Variants in ZNF704 observed in about 807,000 individuals in gnomAD.
ZNF704 encodes glucocorticoid induced gene 1.
A neutral mutation model predicts 44.7 loss-of-function variants in ZNF704; 10 were observed. That is an observed-to-expected ratio of 0.22 (90% CI 0.14 to 0.38). The LOEUF is 0.38. ZNF704 is among the 10% of genes least tolerant of loss of function. The pLI, the probability that ZNF704 is intolerant of heterozygous loss-of-function variation, is 1.00. For synonymous variants in ZNF704, 211 were observed against 207.6 expected, an observed-to-expected ratio of 1.02 and a Z score of -0.14; for missense variants, 390 against 545.5, an observed-to-expected ratio of 0.71 and a Z score of 2.84.
chr8:80,811,247 C>G (rs541684594), intron 2 of ZNF704, among the ~76,000 whole-genome samples: 5 of 152,174 alleles, frequency 3.3e-5, no homozygotes, highest in African/African-American at 1.2e-4. Context: ...TCATTAATGA[C>G]TTTTTATATT....
chr8:80,826,799 T>C (rs1226869146), intron 1 of ZNF704, among the ~76,000 whole-genome samples: 3 of 152,106 alleles, frequency 2.0e-5, no homozygotes, highest in East Asian at 1.9e-4. Flanking sequence ...TAATCCATCA[T>C]ATAAACAGAA....
In ZNF704 at chr8:80,641,355, C is replaced by T; in HGVS notation, c.*11G>A. On this transcript the variant is annotated 3_prime_UTR_variant, in exon 9 of 9. Transcript: ENST00000327835. ...GGCTCAGGGCCCTGAGCCCCTCTGCCTGGGGGTCTCTCAGTCGAGGAACCT... is the reference window on the plus strand; with the variant it reads ...GGCTCAGGGCCCTGAGCCCCTCTGCTTGGGGGTCTCTCAGTCGAGGAACCT... The T allele has an allele frequency of 6.2e-7, 1 of 1,602,000 alleles. No individual in the cohort carries two copies. The highest frequency in any genetic ancestry group is 8.5e-7 in the Non-Finnish European group (1 of 1,172,588).
At chr8:80,799,851 G>A (rs1446644890) in intron 2 of ZNF704, among the ~76,000 whole-genome samples, 1 of 152,076 alleles carries the variant, frequency 6.6e-6, no homozygotes, top group Non-Finnish European at 1.5e-5. Context: ...CAGAAAGCAG[G>A]TAATAACAAC....
At chr8:80,799,709 G>C (rs1807867211) in intron 2 of ZNF704, among the ~76,000 whole-genome samples, 1 of 152,150 alleles carries the variant, frequency 6.6e-6, no homozygotes, top group African/African-American at 2.4e-5. Flanking sequence ...TGATGAGAAA[G>C]AATCAATGCA....
intron 2 of ZNF704, among the ~76,000 whole-genome samples, chr8:80,787,745 C>CA (rs1586027526): frequency 6.6e-6 from 1 of 152,172 alleles, no homozygotes; most frequent in East Asian, 1.9e-4. Flanking sequence ...ATCTGTAGTA[C>CA]AAAACTAAGT....
chr8:80,719,255 T>A (rs1471017059), intron 2 of ZNF704, among the ~76,000 whole-genome samples: 1 of 152,170 alleles, frequency 6.6e-6, no homozygotes, highest in Non-Finnish European at 1.5e-5. Flanking sequence ...GAGCCACTGC[T>A]CCTGGCCATC....
chr8:80,808,639 T>C (rs1159417157), intron 2 of ZNF704, among the ~76,000 whole-genome samples: 1 of 152,132 alleles, frequency 6.6e-6, no homozygotes, highest in Non-Finnish European at 1.5e-5. Flanking sequence ...AATTCTATGC[T>C]CCTCATGGTC....
At chr8:80,837,312 C>G (rs1238113519) in intron 1 of ZNF704, among the ~76,000 whole-genome samples, 3 of 152,062 alleles carry the variant, frequency 2.0e-5, no homozygotes, top group African/African-American at 7.3e-5. Flanking sequence ...GACTTTGCCT[C>G]CAGGAATACA....
intron 1 of ZNF704, among the ~76,000 whole-genome samples, chr8:80,873,835 G>T (rs1238828967): frequency 6.8e-6 from 1 of 147,680 alleles, no homozygotes; most frequent in African/African-American, 2.4e-5. Flanking sequence ...TGGCCCGAGG[G>T]GGGCCGGTCC....
intron 1 of ZNF704, among the ~76,000 whole-genome samples, chr8:80,863,142 G>C: frequency 6.6e-6 from 1 of 151,954 alleles, no homozygotes; most frequent in East Asian, 1.9e-4. Context: ...TAAATTCTAA[G>C]ATCCCCTTTC....
At chr8:80,791,027 A>G (rs1335229923) in intron 2 of ZNF704, among the ~76,000 whole-genome samples, 1 of 152,164 alleles carries the variant, frequency 6.6e-6, no homozygotes, top group Non-Finnish European at 1.5e-5. Flanking sequence ...ACTTGGGGTG[A>G]GGGAGAGAGA....
At chr8:80,745,823 C>T (rs982166494) in intron 2 of ZNF704, among the ~76,000 whole-genome samples, 4 of 152,066 alleles carry the variant, frequency 2.6e-5, no homozygotes, top group Admixed American at 6.6e-5. Flanking sequence ...AAGTCAAACA[C>T]GAGCTCAGAA....
intron 2 of ZNF704, among the ~76,000 whole-genome samples, chr8:80,773,626 T>C (rs1466524327): frequency 6.6e-6 from 1 of 152,218 alleles, no homozygotes; most frequent in Non-Finnish European, 1.5e-5. Flanking sequence ...TGGTGACAAA[T>C]TCTCTTAGTT....
In ZNF704 at chr8:80,630,647, C is replaced by T. The variant is rs1817568645; in HGVS notation, c.*10719G>A. The T allele has an allele frequency of 6.6e-6, 1 of 152,100 alleles. No homozygotes were observed. The highest frequency in any genetic ancestry group is 2.1e-4 in the South Asian group (1 of 4,818). 9.4% of individuals were successfully genotyped at this position (152,100 alleles called of 1,614,324 possible). A position where few individuals can be genotyped will look rare whatever the true frequency, so the allele number is the denominator to read the frequency against. ...CTCATTTGAAAAAATGACCGTAGGC[C>T]ACTCGCAGTTGCATCTGATGATAGT... is the stretch of plus-strand genomic sequence containing the variant. On this transcript the variant is annotated 3_prime_UTR_variant, in exon 9 of 9. Transcript: ENST00000327835.
At chr8:80,652,315 A>G (rs181730414) in intron 7 of ZNF704, among the ~76,000 whole-genome samples, 4,811 of 152,192 alleles carry the variant, frequency 0.032, 258 homozygotes, top group African/African-American at 0.11. Flanking sequence ...AATAACTAAG[A>G]TCAGAGCAGA....
intron 2 of ZNF704, among the ~76,000 whole-genome samples, chr8:80,714,713 T>C (rs975284390): frequency 7.2e-5 from 11 of 152,202 alleles, no homozygotes; most frequent in Admixed American, 6.5e-4. Context: ...TAGTTTCTAT[T>C]TGACTGATAA....
At chr8:80,796,212 G>C (rs944576384) in intron 2 of ZNF704, among the ~76,000 whole-genome samples, 2 of 152,200 alleles carry the variant, frequency 1.3e-5, no homozygotes, top group African/African-American at 4.8e-5. Flanking sequence ...TCTGGTGACA[G>C]CCTTATTGCT....
At chr8:80,820,631 A>T (rs1808254052) in intron 2 of ZNF704, among the ~76,000 whole-genome samples, 1 of 152,038 alleles carries the variant, frequency 6.6e-6, no homozygotes. Context: ...CAGGCACAGT[A>T]ACTCATGCCT....
At position 80,851,343 on chromosome 8, in the gene ZNF704, T is replaced by A. The variant is rs112963054; in HGVS notation, c.-22+23228A>T. On this transcript the variant is annotated intron_variant, in intron 1 of 8. Coordinates refer to ENST00000327835, the MANE Select transcript of ZNF704 (RefSeq NM_001033723.3). The stretch of plus-strand genomic sequence containing the variant: ...ACCTAAATGTCCAACAACAATAGAC[T>A]GGATTAAGAAAATGTGGCACATATA... Among the ~76,000 whole-genome samples the A allele has an allele frequency of 3.8e-3, 584 of 152,208 alleles. 3 individuals are homozygous for A. Among genetic ancestry groups the A allele is most frequent in the African/African-American group, 0.013 (549 of 41,512 alleles).
Sources: gnomAD v4.1 joint callset for allele counts (sites outside exome capture counted in the v4.1 genomes callset) on GRCh38, gnomAD v4.1.1 for gene constraint, MANE v1.5 for transcripts, NCBI Gene and HGNC (gene_info 2026-07-23, HGNC 2026-07-21) for gene names.